The following PAAF1 variants were observed in gnomAD, a reference collection of about 807,000 sequenced individuals.
The protein encoded by PAAF1 is proteasomal ATPase-associated factor 1.
A neutral mutation model predicts 52.8 loss-of-function variants in PAAF1; 46 were observed. That is an observed-to-expected ratio of 0.87 (90% CI 0.69 to 1.11). PAAF1 has a LOEUF of 1.11. PAAF1 is among the 50% of genes most tolerant of loss of function. The pLI is 0.00. For synonymous variants in PAAF1, 178 were observed against 172.8 expected (o/e 1.03, Z -0.24); for missense variants, 424 against 477.4 (o/e 0.89, Z 1.04).
intron 5 of PAAF1, 57 bp from the exon 6 acceptor site, chr11:73,900,211 AAG>A (rs1949557365): frequency 1.3e-6 from 2 of 1,525,082 alleles, no homozygotes; most frequent in Non-Finnish European, 1.8e-6. Context: ...TATGGGAGGT[AAG>A]AGAACATCAA....
chr11:73,902,243 A>C (rs1278966670), intron 6 of PAAF1, among the ~76,000 whole-genome samples: 3 of 152,204 alleles, frequency 2.0e-5, no homozygotes, highest in Non-Finnish European at 4.4e-5. Flanking sequence ...CATTAACCTA[A>C]GTACATAAAT....
rs774454889 is a variant in PAAF1, at chr11:73,928,636, A to G, written c.*1274A>G. ...AGAAAAGTTTCTTGAAAGATGTAAC[A>G]CTTGAGCTGGGACATGCAGATTAAG... On this transcript the variant is annotated 3_prime_UTR_variant, in exon 12 of 12. Transcript: ENST00000310571. 1 of 152,220 alleles carries G rather than the reference A, an allele frequency of 6.6e-6. No homozygotes were observed. Among genetic ancestry groups the G allele is most frequent in the Non-Finnish European group, 1.5e-5 (1 of 68,048 alleles). The allele number at this position is 152,220 out of a possible 1,614,324, so 9.4% of individuals were successfully genotyped here.
intron 3 of PAAF1, among the ~76,000 whole-genome samples, chr11:73,888,449 C>T (rs12793555): frequency 0.057 from 8,698 of 152,232 alleles, 279 homozygotes; most frequent in Middle Eastern, 0.11. Context: ...GTAAGCAAAG[C>T]GTTGGAGAAC....
At chr11:73,917,206 A>C in intron 9 of PAAF1, among the ~76,000 whole-genome samples, 1 of 151,932 alleles carries the variant, frequency 6.6e-6, no homozygotes, top group East Asian at 1.9e-4. Flanking sequence ...TATTTAGTAG[A>C]GACAGGGTTT....
intron 7 of PAAF1, among the ~76,000 whole-genome samples, chr11:73,911,609 A>G (rs906425807): frequency 7.0e-6 from 1 of 143,192 alleles, no homozygotes; most frequent in Non-Finnish European, 1.5e-5. Context: ...TGTTAAAGTC[A>G]CCAGTGACCT....
upstream of PAAF1, chr11:73,876,802 G>C (rs1252229922): frequency 4.8e-6 from 2 of 417,160 alleles, no homozygotes; most frequent in Admixed American, 4.5e-5. Context: ...CCTACGCGGC[G>C]GCTTGGGTTT....
chr11:73,916,819 A>C (rs115085096), intron 9 of PAAF1, among the ~76,000 whole-genome samples, 159 bp downstream of exon 9: 3,096 of 152,210 alleles, frequency 0.02, 60 homozygotes, highest in South Asian at 0.065. Flanking sequence ...GATTTTTCTT[A>C]TTATTCCTGG....
At chr11:73,910,728 C>G (rs1049888413) in intron 7 of PAAF1, among the ~76,000 whole-genome samples, 1 of 152,042 alleles carries the variant, frequency 6.6e-6, no homozygotes, top group Non-Finnish European at 1.5e-5. Context: ...CAGTGGCTCA[C>G]GCCTGTAATC....
At position 73,930,372 on chromosome 11, in the gene PAAF1, G is replaced by GA. The variant is rs71065056; in HGVS notation, c.*3021dup. On this transcript the variant is annotated 3_prime_UTR_variant, in exon 12 of 12. Coordinates refer to ENST00000310571, the MANE Select transcript of PAAF1 (RefSeq NM_025155.3). ...GCGACAGAGCGAGGCTCTATCTCAA[G>GA]AAAAAAAAAAAGAAAAAAAGAAAAC... is the stretch of plus-strand genomic sequence containing the variant. 44 of 127,652 alleles carry GA rather than the reference G, an allele frequency of 3.4e-4. No individual in the cohort carries two copies. The highest frequency in any genetic ancestry group is 3.1e-4 in the Admixed American group (4 of 12,754). 7.9% of individuals were successfully genotyped at this position (127,652 alleles called of 1,614,324 possible).
chr11:73,900,325 G>A lies in PAAF1; in HGVS notation c.437G>A (p.Gly146Asp), dbSNP rs370941319. Residue 146 changes from glycine to aspartate, a missense_variant, in exon 6 of 12, where the codon GGC becomes GAC. Coordinates refer to ENST00000310571, the MANE Select transcript of PAAF1 (RefSeq NM_025155.3). Reference sequence around the variant, plus strand: ...AATTGTTGCAGGTTTTTCCCATCAGGCCTTGTGGTCCTGAGTGGGGGAATG... The same window carrying A: ...AATTGTTGCAGGTTTTTCCCATCAGACCTTGTGGTCCTGAGTGGGGGAATG... ...DVNCCRFFPSGLVVLSGGMDA... is the reference protein window; with the variant it reads ...DVNCCRFFPSDLVVLSGGMDA... 107 of 1,612,906 alleles carry A rather than the reference G, an allele frequency of 6.6e-5. No individual in the cohort carries two copies. The highest frequency in any genetic ancestry group is 8.6e-5 in the Non-Finnish European group (101 of 1,179,278).
At chr11:73,908,351 A>G (rs1057229494) in intron 6 of PAAF1, among the ~76,000 whole-genome samples, 1 of 135,502 alleles carries the variant, frequency 7.4e-6, no homozygotes, top group Admixed American at 7.7e-5. Context: ...ATATATGTGT[A>G]TATATGTGTG....
At chr11:73,887,496 A>C (rs1949092991) in intron 3 of PAAF1, 39 bp downstream of exon 3, 1 of 1,356,160 alleles carries the variant, frequency 7.4e-7, no homozygotes, top group South Asian at 1.3e-5. Flanking sequence ...GATATTTAAA[A>C]CTATGGTAGT....
At chr11:73,904,387 A>G (rs1226908829) in intron 6 of PAAF1, among the ~76,000 whole-genome samples, 1 of 152,218 alleles carries the variant, frequency 6.6e-6, no homozygotes, top group Admixed American at 6.5e-5. Context: ...CTAATTCTTT[A>G]TAATAAGCAT....
intron 6 of PAAF1, among the ~76,000 whole-genome samples, chr11:73,900,981 CAAAAAAAAA>C (rs5792636): frequency 5.0e-5 from 3 of 59,540 alleles, no homozygotes; most frequent in Admixed American, 5.6e-4. Flanking sequence ...GACTCCGTCT[CAAAAAAAAA>C]AAAAAAAAAA....
At chr11:73,876,848 G>C, upstream of PAAF1, 5 of 635,958 alleles carry the variant, frequency 7.9e-6, no homozygotes, top group East Asian at 3.4e-5. Flanking sequence ...CATCCTTTCA[G>C]GAACCAGCCC....
chr11:73,926,459 A>G (rs1950361371), intron 11 of PAAF1, among the ~76,000 whole-genome samples: 1 of 151,568 alleles, frequency 6.6e-6, no homozygotes, highest in South Asian at 2.1e-4. Flanking sequence ...GCTCATGCCC[A>G]GCACTTTGGG....
At chr11:73,923,558 CAG>C (rs1276284114) in intron 10 of PAAF1, among the ~76,000 whole-genome samples, 1 of 151,992 alleles carries the variant, frequency 6.6e-6, no homozygotes, top group East Asian at 1.9e-4. Context: ...TATTTTGAGA[CAG>C]AGTCTCACTC....
In PAAF1 at chr11:73,903,329, A is replaced by C. The variant is rs1949674178; in HGVS notation, c.532+2909A>C. Among the ~76,000 whole-genome samples the C allele has an allele frequency of 2.6e-5, 4 of 152,226 alleles. No homozygotes were observed. The South Asian group carries it at 8.3e-4, about 32-fold the overall frequency. ...TCTGATAGCTTAACAGCGTATATAT[A>C]GATAGATCTGATAGCTTAGCAACCT... On this transcript the variant is annotated intron_variant, in intron 6 of 11. Coordinates refer to ENST00000310571, the MANE Select transcript of PAAF1 (RefSeq NM_025155.3).
chr11:73,925,961 T>G (rs1036546182), intron 11 of PAAF1, among the ~76,000 whole-genome samples: 2 of 152,206 alleles, frequency 1.3e-5, no homozygotes, highest in African/African-American at 4.8e-5. Context: ...CACACTTACA[T>G]CTTTATGTAT....
Sources: gnomAD v4.1 joint callset for allele counts (sites outside exome capture counted in the v4.1 genomes callset) on GRCh38, gnomAD v4.1.1 for gene constraint, MANE v1.5 for transcripts, NCBI Gene and HGNC (gene_info 2026-07-23, HGNC 2026-07-21) for gene names.